Variants in DCDC1 observed in about 807,000 individuals in gnomAD.
DCDC1 encodes the protein doublecortin domain-containing protein 1.
A neutral mutation model predicts 178.3 loss-of-function variants in DCDC1; 200 were observed. The ratio of observed to expected loss-of-function variants is 1.12; its 90% CI spans 1.00 to 1.26. The LOEUF (loss-of-function observed/expected upper bound fraction) is 1.26. Ranked by LOEUF, DCDC1 falls within the 50% of genes most tolerant of loss-of-function variation. The pLI is 0.00. For synonymous variants in DCDC1, 690 were observed against 604.8 expected, an observed-to-expected ratio of 1.14 and a Z score of -2.07; for missense variants, 1,983 against 1,749.2, an observed-to-expected ratio of 1.13 and a Z score of -2.38.
In DCDC1 at chr11:31,290,757, TAGAA is replaced by T. The variant is rs759172244; in HGVS notation, c.846_849del (p.Ser283LeufsTer3). 3.7e-6 allele frequency: 6 copies of T among 1,613,408 alleles called. No homozygotes were observed. In the African/African-American group the frequency reaches 8.0e-5, roughly 22 times the overall value. On this transcript the variant is annotated frameshift_variant, in exon 7 of 39. Transcript: ENST00000684477. LOFTEE classifies it high-confidence loss of function. ...CTCTCAGTAAGTTTCTTCATTCTAA[TAGAA>T]AGAACAGGCTTGGTTTTCCGTCTTT... is the stretch of plus-strand genomic sequence containing the variant.
chr11:31,153,665 C>A (rs1272805645), intron 9 of DCDC1, among the ~76,000 whole-genome samples: 1 of 151,924 alleles, frequency 6.6e-6, no homozygotes, highest in African/African-American at 2.4e-5. Context: ...CGCCTGTAAT[C>A]CCAGCTACTC....
rs114170940 is a variant in DCDC1, at chr11:31,281,817, C to T, written c.960+8830G>A. 6.0e-3 allele frequency among the ~76,000 whole-genome samples: 906 copies of T among 152,256 alleles called. 9 individuals are homozygous for T. The highest frequency in any genetic ancestry group is 0.02 in the African/African-American group (844 of 41,560). ...TGTGAGACGTGCTGTTTGCCTTCCA[C>T]CATGATTATGAGGCTTCCTCAGTCA... On this transcript the variant is annotated intron_variant, in intron 7 of 38. Coordinates refer to ENST00000684477, the MANE Select transcript of DCDC1 (RefSeq NM_001387274.1).
intron 10 of DCDC1, among the ~76,000 whole-genome samples, chr11:31,128,095 A>C (rs1418122656): frequency 1.3e-5 from 2 of 152,000 alleles, no homozygotes; most frequent in Admixed American, 1.3e-4. Flanking sequence ...CAATATATAT[A>C]TTAAATTCAT....
At chr11:31,121,862 A>C (rs1014001115) in intron 11 of DCDC1, among the ~76,000 whole-genome samples, 3 of 152,176 alleles carry the variant, frequency 2.0e-5, no homozygotes, top group Non-Finnish European at 4.4e-5. Flanking sequence ...TAAAATGAAC[A>C]GAAAACAGGA....
chr11:31,251,219 G>T (rs1468669968), intron 8 of DCDC1, among the ~76,000 whole-genome samples: 3 of 152,150 alleles, frequency 2.0e-5, no homozygotes, highest in African/African-American at 7.2e-5. Flanking sequence ...AATTGCAGTT[G>T]TGATAATTAC....
chr11:30,893,732 T>C (rs1943979998), intron 35 of DCDC1, among the ~76,000 whole-genome samples: 1 of 152,202 alleles, frequency 6.6e-6, no homozygotes, highest in African/African-American at 2.4e-5. Context: ...AAAAAAGTTT[T>C]CCCTGGTCTC....
Position 31,205,816 on chromosome 11 carries a change from C to T in DCDC1, c.1221+35634G>A, listed in dbSNP as rs79696998. Among the ~76,000 whole-genome samples the T allele has an allele frequency of 5.0e-3, 759 of 152,068 alleles. 5 individuals are homozygous for T. Among genetic ancestry groups the T allele is most frequent in the Non-Finnish European group, 8.2e-3 (559 of 67,972 alleles). On this transcript the variant is annotated intron_variant, in intron 9 of 38. Coordinates refer to ENST00000684477, the MANE Select transcript of DCDC1 (RefSeq NM_001387274.1). ...AATAATTTTCAATATAAGTATGTCC[C>T]ATGAAATATTGGAGACATACTTATG...
chr11:30,937,362 C>A (rs1036044228), intron 21 of DCDC1, among the ~76,000 whole-genome samples: 2 of 152,094 alleles, frequency 1.3e-5, no homozygotes, highest in Non-Finnish European at 2.9e-5. Flanking sequence ...ATCAAGGGTT[C>A]CTGGTGGGAC....
chr11:31,295,900 T>C (rs1947651682), intron 6 of DCDC1, among the ~76,000 whole-genome samples: 1 of 152,106 alleles, frequency 6.6e-6, no homozygotes, highest in Non-Finnish European at 1.5e-5. Context: ...CCAGACCCAT[T>C]TGTCCATTTC....
rs1947158658 is a variant in DCDC1, at chr11:31,290,650, T to C, written c.957A>G (p.Lys319=). The C allele has an allele frequency of 1.9e-6, 3 of 1,599,294 alleles. No individual in the cohort carries two copies. Among genetic ancestry groups the C allele is most frequent in the Non-Finnish European group, 2.6e-6 (3 of 1,176,158 alleles). ...TCAATATTTAATTAAAAATTACCTT[T>C]TTCATTGTTTCTTTTCCCACTGTAA... The part of the protein sequence containing the change: ...HEITVGKETM[K]KVLDTCTIRM... Residue 319 remains lysine (K), a synonymous_variant, in exon 7 of 39, where the codon AAA becomes AAG. Coordinates refer to ENST00000684477, the MANE Select transcript of DCDC1 (RefSeq NM_001387274.1).
chr11:30,926,067 G>C (rs1946570074), intron 22 of DCDC1, among the ~76,000 whole-genome samples: 1 of 152,158 alleles, frequency 6.6e-6, no homozygotes, highest in Non-Finnish European at 1.5e-5. Context: ...TCCGAGTCTG[G>C]TCAGGGTAGA....
chr11:31,084,217 C>T (rs1472121973), intron 17 of DCDC1, among the ~76,000 whole-genome samples: 1 of 152,064 alleles, frequency 6.6e-6, no homozygotes, highest in African/African-American at 2.4e-5. Flanking sequence ...TGTCAGGTTG[C>T]TACTTTAAGT....
chr11:31,246,479 T>A (rs79267985), intron 8 of DCDC1, among the ~76,000 whole-genome samples: 5 of 151,806 alleles, frequency 3.3e-5, no homozygotes, highest in Middle Eastern at 3.4e-3. Flanking sequence ...TTTTTTTTTT[T>A]AAATGAAGTT....
At chr11:31,275,100 T>A (rs192871302) in intron 7 of DCDC1, among the ~76,000 whole-genome samples, 2 of 152,120 alleles carry the variant, frequency 1.3e-5, no homozygotes, top group Non-Finnish European at 2.9e-5. Context: ...TTGGCAGACA[T>A]TAGTAGTCAA....
At chr11:31,269,713 G>T (rs1008908463) in intron 7 of DCDC1, among the ~76,000 whole-genome samples, 7 of 152,080 alleles carry the variant, frequency 4.6e-5, no homozygotes, top group Non-Finnish European at 7.4e-5. Context: ...TCAAGTTTTA[G>T]AAACTCTTCT....
At chr11:31,208,756 A>G (rs1972153326) in intron 9 of DCDC1, among the ~76,000 whole-genome samples, 1 of 152,080 alleles carries the variant, frequency 6.6e-6, no homozygotes, top group African/African-American at 2.4e-5. Context: ...GGGCCTTTGC[A>G]ATTGCTTTTG....
intron 20 of DCDC1, among the ~76,000 whole-genome samples, chr11:30,991,822 T>C (rs1025143416): frequency 6.6e-6 from 1 of 152,162 alleles, no homozygotes; most frequent in Non-Finnish European, 1.5e-5. Flanking sequence ...AGATAAACAC[T>C]GGGAACATAT....
intron 36 of DCDC1, chr11:30,882,961 TG>T (rs1462216238): frequency 6.6e-6 from 1 of 152,160 alleles, no homozygotes; most frequent in African/African-American, 2.4e-5. Context: ...AAAGGAGTAT[TG>T]CTCAGATACA....
intron 7 of DCDC1, chr11:31,280,927 G>T (rs563132676): frequency 3.1e-6 from 2 of 638,946 alleles, no homozygotes; most frequent in Non-Finnish European, 5.9e-6. Flanking sequence ...CCTTTTCCAC[G>T]GTGTGGCACT....
Sources: gnomAD v4.1 joint callset for allele counts (sites outside exome capture counted in the v4.1 genomes callset) on GRCh38, gnomAD v4.1.1 for gene constraint, MANE v1.5 for transcripts, NCBI Gene and HGNC (gene_info 2026-07-23, HGNC 2026-07-21) for gene names.